Variants in RASGRF2 observed in about 807,000 individuals in gnomAD.
RASGRF2 encodes the protein ras-specific guanine nucleotide-releasing factor 2.
Under a neutral mutation model 151.0 loss-of-function variants are expected in RASGRF2, and 76 were observed. The ratio of observed to expected loss-of-function variants is 0.50; its 90% CI spans 0.42 to 0.61. The LOEUF (loss-of-function observed/expected upper bound fraction) is 0.61. RASGRF2 is among the 20% of genes least tolerant of loss of function. The pLI, the probability that RASGRF2 is intolerant of heterozygous loss-of-function variation, is 0.00. For missense variants in RASGRF2, 1,148 were observed against 1,564.6 expected, an observed-to-expected ratio of 0.73 and a Z score of 4.49; for synonymous variants, 504 against 566.5, an observed-to-expected ratio of 0.89 and a Z score of 1.57.
intron 17 of RASGRF2, among the ~76,000 whole-genome samples, chr5:81,173,076 A>G (rs925437258): frequency 1.3e-5 from 2 of 152,132 alleles, no homozygotes; most frequent in Non-Finnish European, 2.9e-5. Flanking sequence ...ACTGTACTCC[A>G]TTAAGATAGA....
At chr5:80,983,530 G>A (rs1156677384) in intron 1 of RASGRF2, among the ~76,000 whole-genome samples, 1 of 152,248 alleles carries the variant, frequency 6.6e-6, no homozygotes, top group African/African-American at 2.4e-5. Context: ...TAGGCAAACA[G>A]TGCTATTTAA....
chr5:81,039,624 T>C (rs1750619238), intron 1 of RASGRF2, among the ~76,000 whole-genome samples: 1 of 152,154 alleles, frequency 6.6e-6, no homozygotes, highest in Admixed American at 6.5e-5. Flanking sequence ...ATAGAGCATA[T>C]ACATCTTTCA....
At chr5:81,114,588 C>A (rs1371034693) in intron 15 of RASGRF2, among the ~76,000 whole-genome samples, 2 of 152,200 alleles carry the variant, frequency 1.3e-5, no homozygotes, top group African/African-American at 2.4e-5. Context: ...AGTACATTCT[C>A]CCTGCCAGGG....
In RASGRF2 at chr5:81,228,842, A is replaced by C. The variant is rs1756053683; in HGVS notation, c.*3072A>C. Reference sequence around the variant, plus strand: ...AGACGGAATTTTAAACGGCCATTGCAATATTTTCAAGTGGCTCTCATACCA... The same window carrying C: ...AGACGGAATTTTAAACGGCCATTGCCATATTTTCAAGTGGCTCTCATACCA... On this transcript the variant is annotated 3_prime_UTR_variant, in exon 27 of 27. Coordinates refer to ENST00000265080, the MANE Select transcript of RASGRF2 (RefSeq NM_006909.3). The C allele has an allele frequency of 6.6e-6, 1 of 152,218 alleles. No homozygotes were observed. The highest frequency in any genetic ancestry group is 1.5e-5 in the Non-Finnish European group (1 of 68,030). 9.4% of individuals were successfully genotyped at this position (152,218 alleles called of 1,614,324 possible).
intron 19 of RASGRF2, 74 bp downstream of exon 19, chr5:81,201,516 T>C: frequency 1.4e-6 from 2 of 1,469,336 alleles, no homozygotes; most frequent in Non-Finnish European, 1.9e-6. Flanking sequence ...TAAGAGCCAA[T>C]AAATCTTAGA....
intron 9 of RASGRF2, among the ~76,000 whole-genome samples, chr5:81,090,018 T>C (rs1402497371): frequency 6.6e-6 from 1 of 152,210 alleles, no homozygotes; most frequent in African/African-American, 2.4e-5. Context: ...TTTGTGGAAA[T>C]GTAAGTCAGG....
At chr5:81,208,872 A>G (rs1755571194) in intron 22 of RASGRF2, among the ~76,000 whole-genome samples, 1 of 152,032 alleles carries the variant, frequency 6.6e-6, no homozygotes, top group Admixed American at 6.5e-5. Flanking sequence ...TTTAAACAGA[A>G]TTGATGGGAT....
At chr5:81,001,837 G>A (rs1645820101) in intron 1 of RASGRF2, among the ~76,000 whole-genome samples, 1 of 152,180 alleles carries the variant, frequency 6.6e-6, no homozygotes, top group African/African-American at 2.4e-5. Flanking sequence ...CAGAGATTCT[G>A]CAATATGGTA....
chr5:81,220,523 C>T (rs898819312), intron 26 of RASGRF2, among the ~76,000 whole-genome samples: 7 of 152,286 alleles, frequency 4.6e-5, no homozygotes, highest in African/African-American at 9.6e-5. Flanking sequence ...CTCGCTCTGT[C>T]GCCCAGCCTG....
intron 12 of RASGRF2, among the ~76,000 whole-genome samples, chr5:81,103,438 G>A (rs774720800): frequency 2.6e-5 from 4 of 152,018 alleles, no homozygotes; most frequent in African/African-American, 4.8e-5. Flanking sequence ...TGGCAAATAT[G>A]AGAAATTCAG....
chr5:81,070,516 G>C lies in RASGRF2; in HGVS notation c.568G>C (p.Glu190Gln). ...SEIIALNKTKERMRPYQSNQE... is the reference protein window; with the variant it reads ...SEIIALNKTKQRMRPYQSNQE... ...GATTATTGCTCTTAATAAAACCAAA[G>C]AACGAATGCGACCTTACCAAAGCAA... The change falls in exon 4 of 27, where the codon GAA becomes CAA. Residue 190 changes from glutamate to glutamine, a missense_variant. Around this residue, in one of 5 missense-constraint regions of RASGRF2, gnomAD observed 221 missense variants for 271.3 expected, o/e 0.81. Coordinates refer to ENST00000265080, the MANE Select transcript of RASGRF2 (RefSeq NM_006909.3). 6.2e-7 allele frequency: 1 copy of C among 1,609,164 alleles called. No individual in the cohort carries two copies. Among genetic ancestry groups the C allele is most frequent in the Non-Finnish European group, 8.5e-7 (1 of 1,175,566 alleles).
intron 1 of RASGRF2, among the ~76,000 whole-genome samples, chr5:80,994,856 A>C (rs2112271621): frequency 6.6e-6 from 1 of 152,350 alleles, no homozygotes; most frequent in South Asian, 2.1e-4. Flanking sequence ...ATTATAGACA[A>C]GAAAATTTAT....
rs778873832 is a variant in RASGRF2, at chr5:81,180,216, A to T, written c.2728A>T (p.Ile910Leu). 1.9e-6 allele frequency: 3 copies of T among 1,613,156 alleles called. No homozygotes were observed. The East Asian group carries it at 6.7e-5, about 36-fold the overall frequency. Residue 910 changes from isoleucine (I) to leucine (L), a missense_variant, in exon 18 of 27, where the codon ATA (isoleucine) becomes TTA (leucine). Physicochemically the swap from Ile to Leu is conservative, Grantham distance 5. Coordinates refer to ENST00000265080, the MANE Select transcript of RASGRF2 (RefSeq NM_006909.3). ...GAGAACATGTGATAAAGAGTTTATT[A>T]TACGGAGAACGGCTACCAATCGAGT... ...TERTCDKEFI[I>L]RRTATNRVLN... is the part of the protein sequence containing the mutation.
intron 17 of RASGRF2, among the ~76,000 whole-genome samples, chr5:81,135,103 T>C (rs1753721501): frequency 6.6e-6 from 1 of 151,176 alleles, no homozygotes; most frequent in East Asian, 1.9e-4. Flanking sequence ...GCCCAGGAGT[T>C]CAAGACCAAC....
rs1182103253 is a variant in RASGRF2 at position 81,212,488 on chromosome 5, G to C, written c.3279G>C (p.Val1093=). Residue 1093 remains valine (V), a synonymous_variant, in exon 23 of 27, where the codon GTG becomes GTC. Coordinates refer to ENST00000265080, the MANE Select transcript of RASGRF2 (RefSeq NM_006909.3). ...ICRCLHNYNG[V]LEITSALNRS... is the part of the protein sequence containing the mutation. The stretch of plus-strand genomic sequence containing the variant: ...GATGCCTGCACAACTACAACGGCGT[G>C]CTGGAGATCACCTCGGCCTTAAACA... 6.2e-7 allele frequency: 1 copy of C among 1,613,816 alleles called. No individual in the cohort carries two copies.
At position 81,068,193 on chromosome 5, in the gene RASGRF2, A is replaced by G; in HGVS notation, c.543+14A>G. The G allele has an allele frequency of 1.2e-6, 2 of 1,604,504 alleles. No homozygotes were observed. The highest frequency in any genetic ancestry group is 1.7e-6 in the Non-Finnish European group (2 of 1,175,226). On this transcript the variant is annotated intron_variant, in intron 3 of 26. Transcript: ENST00000265080. ...CTTAAATCAGAGGTATTTCCCAGTC[A>G]ATAGATTCCTTCTCATTGTTTCACG...
At chr5:80,994,898 G>GCA (rs1199111140) in intron 1 of RASGRF2, among the ~76,000 whole-genome samples, 1 of 152,100 alleles carries the variant, frequency 6.6e-6, no homozygotes, top group African/African-American at 2.4e-5. Flanking sequence ...CTGAATTTGG[G>GCA]CACACATATA....
chr5:81,157,116 A>G (rs1021327056), intron 17 of RASGRF2, among the ~76,000 whole-genome samples: 25 of 152,296 alleles, frequency 1.6e-4, no homozygotes, highest in Admixed American at 1.2e-3. Context: ...TTGTAATCCC[A>G]GCACTTTGGG....
At chr5:81,013,743 C>T (rs1472696623) in intron 1 of RASGRF2, among the ~76,000 whole-genome samples, 1 of 152,002 alleles carries the variant, frequency 6.6e-6, no homozygotes, top group African/African-American at 2.4e-5. Flanking sequence ...ATTACTGGAA[C>T]TAGAAACTTA....
Sources: gnomAD v4.1 joint callset for allele counts (sites outside exome capture counted in the v4.1 genomes callset) on GRCh38, gnomAD v4.1.1 for gene constraint, gnomAD v4.1.1 regional missense constraint, MANE v1.5 for transcripts, NCBI Gene and HGNC (gene_info 2026-07-23, HGNC 2026-07-21) for gene names.